Variants in NMNAT2 observed in about 807,000 individuals in gnomAD.
NMNAT2 encodes the protein nicotinamide nucleotide adenylyltransferase 2, also known as nicotinamide/nicotinic acid mononucleotide adenylyltransferase 2.
In NMNAT2, 11 loss-of-function variants were observed where a neutral mutation model predicts 41.6. That is an observed-to-expected ratio of 0.26 (90% CI 0.17 to 0.44). The LOEUF is 0.44. Among genes scored for constraint, NMNAT2 ranks in the 20% least tolerant of loss-of-function variants. The pLI is 1.00. For synonymous variants in NMNAT2, 148 were observed against 151.2 expected (o/e 0.98, Z 0.16); for missense variants, 288 against 407.7 (o/e 0.71, Z 2.53).
intron 1 of NMNAT2, among the ~76,000 whole-genome samples, chr1:183,311,753 ACACACACACACACG>A (rs1240032122): frequency 4.2e-4 from 56 of 133,060 alleles, no homozygotes; most frequent in African/African-American, 1.4e-3. Context: ...ACACACACAC[ACACACACACACACG>A]CCCTGGTGTT....
chr1:183,254,733 TG>T (rs1357347550), intron 10 of NMNAT2, among the ~76,000 whole-genome samples: 1 of 152,250 alleles, frequency 6.6e-6, no homozygotes, highest in African/African-American at 2.4e-5. Flanking sequence ...CATCACACTG[TG>T]CCCCTTTGCC....
intron 1 of NMNAT2, among the ~76,000 whole-genome samples, chr1:183,412,127 G>C (rs575987432): frequency 2.0e-5 from 3 of 152,390 alleles, no homozygotes; most frequent in African/African-American, 7.2e-5. Flanking sequence ...CTTTGACTTT[G>C]ATTGACAGAG....
chr1:183,398,898 A>G (rs1389865118), intron 1 of NMNAT2, among the ~76,000 whole-genome samples: 1 of 152,244 alleles, frequency 6.6e-6, no homozygotes, highest in Non-Finnish European at 1.5e-5. Context: ...AATCTCTGGG[A>G]CACATTCAAA....
chr1:183,415,217 T>C (rs1232642680), intron 1 of NMNAT2, among the ~76,000 whole-genome samples: 1 of 152,196 alleles, frequency 6.6e-6, no homozygotes, highest in Non-Finnish European at 1.5e-5. Flanking sequence ...CCTGAGCTCA[T>C]GTGTTAATGT....
intron 3 of NMNAT2, 39 bp from the exon 4 acceptor site, chr1:183,290,245 C>G: frequency 6.7e-7 from 1 of 1,487,036 alleles, no homozygotes; most frequent in Non-Finnish European, 9.2e-7. Context: ...GGTTTCTGTT[C>G]TCATATTCTT....
rs146564767 is a variant in NMNAT2 at position 183,327,360 on chromosome 1, T to A, written c.86-33567A>T. ...CATGAGCCACTGTGCCTGGCCCTAATTATACATTTTTTAAATAACAAAGTG... is the reference window on the plus strand; with the variant it reads ...CATGAGCCACTGTGCCTGGCCCTAAATATACATTTTTTAAATAACAAAGTG... On this transcript the variant is annotated intron_variant, in intron 1 of 10. Transcript: ENST00000287713. Among the ~76,000 whole-genome samples the A allele has an allele frequency of 2.6e-5, 4 of 152,244 alleles. No individual in the cohort carries two copies. In the East Asian group the frequency reaches 5.8e-4, roughly 22 times the overall value.
intron 3 of NMNAT2, among the ~76,000 whole-genome samples, chr1:183,291,297 A>G (rs925481725): frequency 2.0e-5 from 3 of 152,030 alleles, no homozygotes; most frequent in Non-Finnish European, 4.4e-5. Context: ...ACACATGCCT[A>G]AAGTGCCCAG....
chr1:183,412,510 A>T (rs1649147635), intron 1 of NMNAT2, among the ~76,000 whole-genome samples: 2 of 152,246 alleles, frequency 1.3e-5, no homozygotes, highest in Non-Finnish European at 2.9e-5. Flanking sequence ...GGTGTGAGCC[A>T]CCATGCCCGG....
At chr1:183,401,391 T>C (rs1282288303) in intron 1 of NMNAT2, among the ~76,000 whole-genome samples, 13 of 151,942 alleles carry the variant, frequency 8.6e-5, no homozygotes, top group South Asian at 4.2e-4. Context: ...GTTAGAATGG[T>C]GATCATTAAA....
chr1:183,294,471 T>C (rs1345811282), intron 1 of NMNAT2, among the ~76,000 whole-genome samples: 1 of 152,226 alleles, frequency 6.6e-6, no homozygotes, highest in East Asian at 1.9e-4. Flanking sequence ...TCTGGTTCTA[T>C]CTTACTTCCA....
At chr1:183,386,226 G>T (rs1182448224) in intron 1 of NMNAT2, among the ~76,000 whole-genome samples, 4 of 151,894 alleles carry the variant, frequency 2.6e-5, no homozygotes, top group African/African-American at 9.7e-5. Context: ...TGTGAACAAA[G>T]GTATCACAAG....
chr1:183,357,832 C>T (rs926633886), intron 1 of NMNAT2, among the ~76,000 whole-genome samples: 12 of 152,032 alleles, frequency 7.9e-5, no homozygotes, highest in Non-Finnish European at 1.6e-4. Context: ...ATGTCCTTTG[C>T]CCACTTTTTA....
intron 1 of NMNAT2, among the ~76,000 whole-genome samples, chr1:183,328,546 C>T (rs1406684030): frequency 2.0e-5 from 3 of 152,196 alleles, no homozygotes; most frequent in Non-Finnish European, 4.4e-5. Flanking sequence ...CCCCATGAGT[C>T]AGCATGGTCA....
intron 1 of NMNAT2, among the ~76,000 whole-genome samples, chr1:183,358,968 G>A (rs985564275): frequency 6.6e-6 from 1 of 152,166 alleles, no homozygotes; most frequent in African/African-American, 2.4e-5. Flanking sequence ...TTTGAAGAAA[G>A]TTTGAGCAGA....
chr1:183,406,436 C>G (rs1648955723), intron 1 of NMNAT2, among the ~76,000 whole-genome samples: 1 of 152,108 alleles, frequency 6.6e-6, no homozygotes, highest in African/African-American at 2.4e-5. Context: ...TCAGGAAGCC[C>G]ACTGTCAGCT....
In NMNAT2 at chr1:183,251,227, G is replaced by C. The variant is rs1390641701; in HGVS notation, c.*1414C>G. On this transcript the variant is annotated 3_prime_UTR_variant, in exon 11 of 11. Coordinates refer to ENST00000287713, the MANE Select transcript of NMNAT2 (RefSeq NM_015039.4). ...CTCCCCTATTAGGGAGATTTTCTCA[G>C]ACAGTTCCTGCAGCTCCCAGGCTCT... 1 of 152,204 alleles carries C rather than the reference G, an allele frequency of 6.6e-6. No individual in the cohort carries two copies. The highest frequency in any genetic ancestry group is 1.5e-5 in the Non-Finnish European group (1 of 68,052). 9.4% of individuals were successfully genotyped at this position (152,204 alleles called of 1,614,324 possible).
chr1:183,414,966 C>T (rs1361632783), intron 1 of NMNAT2, among the ~76,000 whole-genome samples: 1 of 151,670 alleles, frequency 6.6e-6, no homozygotes, highest in East Asian at 1.9e-4. Flanking sequence ...ATTTCAGTCA[C>T]CTTAAAGAAA....
chr1:183,295,993 C>T (rs959501008), intron 1 of NMNAT2, among the ~76,000 whole-genome samples: 1 of 151,296 alleles, frequency 6.6e-6, no homozygotes, highest in African/African-American at 2.4e-5. Context: ...GGATTACAGG[C>T]GCCTACCACC....
intron 6 of NMNAT2, 112 bp downstream of exon 6, chr1:183,284,598 A>C: frequency 3.3e-6 from 3 of 905,384 alleles, no homozygotes; most frequent in Non-Finnish European, 5.6e-6. Flanking sequence ...CACACACACA[A>C]TCACGGGAAT....
Sources: gnomAD v4.1 joint callset for allele counts (sites outside exome capture counted in the v4.1 genomes callset) on GRCh38, gnomAD v4.1.1 for gene constraint, MANE v1.5 for transcripts, NCBI Gene and HGNC (gene_info 2026-07-23, HGNC 2026-07-21) for gene names.